Variants in DTNA observed in about 807,000 individuals in gnomAD.
DTNA encodes the protein dystrobrevin alpha, also known as dystrophin-related protein 3.
Under a neutral mutation model 100.7 loss-of-function variants are expected in DTNA, and 43 were observed. That is an observed-to-expected ratio of 0.43 (90% CI 0.33 to 0.55). The LOEUF (loss-of-function observed/expected upper bound fraction) is 0.55, where lower values mean the gene tolerates loss of function less well. DTNA is among the 20% of genes least tolerant of loss of function. The pLI, the probability that DTNA is intolerant of heterozygous loss-of-function variation, is 0.04. For synonymous variants in DTNA, 349 were observed against 347.9 expected (o/e 1.00, Z -0.04); for missense variants, 798 against 953.9 (o/e 0.84, Z 2.15).
intron 1 of DTNA, among the ~76,000 whole-genome samples, chr18:34,495,194 C>G (rs1157771234): frequency 6.6e-6 from 1 of 152,174 alleles, no homozygotes; most frequent in Non-Finnish European, 1.5e-5. Context: ...TGAAGATGAA[C>G]CTTAATAGGT....
At chr18:34,592,581 T>C (rs547426935) in intron 1 of DTNA, among the ~76,000 whole-genome samples, 8 of 151,856 alleles carry the variant, frequency 5.3e-5, no homozygotes, top group Admixed American at 3.9e-4. Flanking sequence ...GATAGAAGTG[T>C]TTTTTGCACT....
intron 3 of DTNA, among the ~76,000 whole-genome samples, chr18:34,769,725 C>CTT (rs61242937): frequency 0.27 from 14,721 of 53,880 alleles, 5,546 homozygotes; most frequent in South Asian, 0.44. Context: ...CCCTCTGGGG[C>CTT]TTTTTTTTTT....
rs1786597 is a variant in DTNA at position 34,820,552 on chromosome 18, G to T, written c.877-239G>T. 0.25 allele frequency among the ~76,000 whole-genome samples: 38,661 copies of T among 152,054 alleles called. 5,072 individuals are homozygous for T. Among genetic ancestry groups the T allele is most frequent in the African/African-American group, 0.29 (12,194 of 41,472 alleles). On this transcript the variant is annotated intron_variant, in intron 8 of 22. Transcript: ENST00000444659. ...TCCTGCAGGCCCATTAAGTCCCAGC[G>T]CAGGTGCCCCATGCACAATGCCTGC... is the stretch of plus-strand genomic sequence containing the variant.
intron 1 of DTNA, among the ~76,000 whole-genome samples, chr18:34,524,107 C>T (rs2145302508): frequency 6.6e-6 from 1 of 152,136 alleles, no homozygotes; most frequent in African/African-American, 2.4e-5. Context: ...TATAGTTTCT[C>T]TTAGAGATAT....
chr18:34,864,011 G>A lies in DTNA; in HGVS notation c.1692G>A (p.Glu564=). 1.2e-6 allele frequency: 2 copies of A among 1,612,364 alleles called. No homozygotes were observed. The highest frequency in any genetic ancestry group is 1.7e-6 in the Non-Finnish European group (2 of 1,179,360). ...ELEQRMSALQ[E]SRRELMVQLE... ...AACAGAGAATGTCTGCTCTCCAGGA[G>A]AGCCGGAGAGAGCTAATGGTCCAGT... Residue 564 remains glutamate, a synonymous_variant, in exon 17 of 23, where the codon GAG becomes GAA. Transcript: ENST00000444659.
intron 1 of DTNA, among the ~76,000 whole-genome samples, chr18:34,521,083 T>C (rs1199329206): frequency 6.6e-6 from 1 of 152,224 alleles, no homozygotes; most frequent in Non-Finnish European, 1.5e-5. Context: ...AACTATAGAC[T>C]TTTATTTACA....
intron 16 of DTNA, among the ~76,000 whole-genome samples, chr18:34,862,996 T>G (rs561139266): frequency 9.2e-5 from 14 of 152,324 alleles, no homozygotes; most frequent in Admixed American, 9.1e-4. Context: ...ATTTATACAT[T>G]AATACATACA....
At position 34,890,626 on chromosome 18, in the gene DTNA, G is replaced by T; in HGVS notation, c.*2892G>T. On this transcript the variant is annotated 3_prime_UTR_variant, in exon 23 of 23. Coordinates refer to ENST00000444659, the MANE Select transcript of DTNA (RefSeq NM_001386795.1). ...GCGCCATATTAATGGAGGAGGGGAG[G>T]AAGGTGAAATCTACTGCATGGGATT... 1.1e-6 allele frequency: 1 copy of T among 950,626 alleles called. No individual in the cohort carries two copies. Among genetic ancestry groups the T allele is most frequent in the Non-Finnish European group, 1.5e-6 (1 of 660,674 alleles). The allele number at this position is 950,626 out of a possible 1,614,324, so 58.9% of individuals were successfully genotyped here.
chr18:34,795,083 C>A (rs1164141069), intron 4 of DTNA, among the ~76,000 whole-genome samples: 1 of 152,174 alleles, frequency 6.6e-6, no homozygotes, highest in Non-Finnish European at 1.5e-5. Flanking sequence ...CGTAGTACCA[C>A]CCCCTCCACT....
intron 1 of DTNA, among the ~76,000 whole-genome samples, chr18:34,691,801 C>T (rs780954298): frequency 6.6e-6 from 1 of 152,230 alleles, no homozygotes; most frequent in Non-Finnish European, 1.5e-5. Flanking sequence ...CCTTCATCTG[C>T]ATGCACTCAT....
At chr18:34,744,050 C>T (rs997864056) in intron 1 of DTNA, among the ~76,000 whole-genome samples, 5 of 152,072 alleles carry the variant, frequency 3.3e-5, no homozygotes, top group Non-Finnish European at 1.5e-5. Flanking sequence ...AAATTGCCAC[C>T]TCTTCACTGT....
intron 16 of DTNA, among the ~76,000 whole-genome samples, chr18:34,863,426 C>A (rs2096654769): frequency 6.6e-6 from 1 of 152,122 alleles, no homozygotes; most frequent in Non-Finnish European, 1.5e-5. Flanking sequence ...AACTCAAACC[C>A]AAAAATTTAA....
chr18:34,629,633 C>T (rs546256963), intron 1 of DTNA, among the ~76,000 whole-genome samples: 256 of 152,290 alleles, frequency 1.7e-3, no homozygotes, highest in Non-Finnish European at 3.2e-3. Flanking sequence ...TTCTTCTGGG[C>T]TTCCAGGACA....
rs562799388 is a variant in DTNA, at chr18:34,625,928, C to T, written c.-1-130048C>T. ...AAAGCATGAGGTCTTCTTTGGGGAA[C>T]CTTGGAAGAACTAATTGGTTGCATT... On this transcript the variant is annotated intron_variant, in intron 1 of 19. Coordinates refer to the DTNA transcript ENST00000283365. 2.0e-5 allele frequency among the ~76,000 whole-genome samples: 3 copies of T among 152,204 alleles called. No homozygotes were observed. In the East Asian group the frequency reaches 5.8e-4, roughly 29 times the overall value.
At chr18:34,656,660 T>C (rs1272820445) in intron 1 of DTNA, among the ~76,000 whole-genome samples, 2 of 152,236 alleles carry the variant, frequency 1.3e-5, no homozygotes, top group Non-Finnish European at 2.9e-5. Flanking sequence ...AAAAGAGTTT[T>C]ATTAACAACA....
chr18:34,620,960 C>A (rs1409041307), intron 1 of DTNA, among the ~76,000 whole-genome samples: 1 of 151,846 alleles, frequency 6.6e-6, no homozygotes, highest in Non-Finnish European at 1.5e-5. Context: ...GCTTTGGGAG[C>A]AATTGCATAA....
At chr18:34,681,862 T>C (rs1238603258) in intron 1 of DTNA, among the ~76,000 whole-genome samples, 1 of 152,098 alleles carries the variant, frequency 6.6e-6, no homozygotes, top group Non-Finnish European at 1.5e-5. Flanking sequence ...TGTTGTGCAT[T>C]CTATGGGCTT....
intron 1 of DTNA, among the ~76,000 whole-genome samples, chr18:34,678,994 C>T (rs1271849128): frequency 6.6e-6 from 1 of 152,142 alleles, no homozygotes; most frequent in Non-Finnish European, 1.5e-5. Flanking sequence ...AAGCTCAATC[C>T]ATCAGAGGAA....
chr18:34,811,604 A>G (rs539177728), intron 5 of DTNA, among the ~76,000 whole-genome samples: 1 of 152,348 alleles, frequency 6.6e-6, no homozygotes, highest in South Asian at 2.1e-4. Flanking sequence ...AAATGAAGTC[A>G]GCGTCTCTCT....
Sources: allele counts gnomAD v4.1 joint callset (sites outside exome capture counted in the v4.1 genomes callset), GRCh38; gene constraint gnomAD v4.1.1; transcripts MANE v1.5; gene names NCBI Gene and HGNC (gene_info 2026-07-23, HGNC 2026-07-21).